Variants in PPARGC1A observed in about 807,000 individuals in gnomAD.
PPARGC1A encodes peroxisome proliferator-activated receptor gamma coactivator 1-alpha.
Under a neutral mutation model 88.7 loss-of-function variants are expected in PPARGC1A, and 25 were observed. That is an observed-to-expected ratio of 0.28 (90% CI 0.21 to 0.39). PPARGC1A has a LOEUF of 0.39. Among genes scored for constraint, PPARGC1A ranks in the 10% least tolerant of loss-of-function variants. The pLI, the probability that PPARGC1A is intolerant of heterozygous loss-of-function variation, is 1.00. For synonymous variants in PPARGC1A, 363 were observed against 355.6 expected (o/e 1.02, Z -0.24); for missense variants, 880 against 968.7 (o/e 0.91, Z 1.22).
chr4:24,148,345 C>G, the PPARGC1A span, among the ~76,000 whole-genome samples: 2 of 152,122 alleles, frequency 1.3e-5, no homozygotes, highest in Non-Finnish European at 2.9e-5. Context: ...CCTTCATGGT[C>G]CTGCTCTAAT....
At chr4:24,232,411 A>C in the PPARGC1A span, among the ~76,000 whole-genome samples, 1 of 152,214 alleles carries the variant, frequency 6.6e-6, no homozygotes, top group Admixed American at 6.5e-5. Flanking sequence ...TTAGCTCCAT[A>C]TACCTGTCCA....
At chr4:24,142,925 G>C in the PPARGC1A span, among the ~76,000 whole-genome samples, 1 of 152,084 alleles carries the variant, frequency 6.6e-6, no homozygotes, top group Non-Finnish European at 1.5e-5. Flanking sequence ...GCTGAGGCTG[G>C]ATGCTCAAAA....
chr4:23,928,428 T>A, the PPARGC1A span, among the ~76,000 whole-genome samples: 3 of 152,100 alleles, frequency 2.0e-5, no homozygotes, highest in Non-Finnish European at 4.4e-5. Context: ...GTAGTGATTG[T>A]TATTAAAAAG....
chr4:23,851,100 C>G (rs2148663587), intron 2 of PPARGC1A, among the ~76,000 whole-genome samples: 1 of 152,294 alleles, frequency 6.6e-6, no homozygotes, highest in South Asian at 2.1e-4. Context: ...TGAGGAACCA[C>G]TAATGGACTT....
chr4:24,328,446 T>G, the PPARGC1A span, among the ~76,000 whole-genome samples: 1 of 152,128 alleles, frequency 6.6e-6, no homozygotes, highest in Non-Finnish European at 1.5e-5. Context: ...CAGTTCCCAT[T>G]AACAAAAGAA....
At chr4:24,063,603 C>G in the PPARGC1A span, among the ~76,000 whole-genome samples, 2 of 152,216 alleles carry the variant, frequency 1.3e-5, no homozygotes, top group East Asian at 3.9e-4. Context: ...GCTTTGAGAT[C>G]CCGGGGTGAA....
the PPARGC1A span, among the ~76,000 whole-genome samples, chr4:24,181,608 G>A: frequency 6.6e-6 from 1 of 152,012 alleles, no homozygotes; most frequent in Non-Finnish European, 1.5e-5. Flanking sequence ...TTCCTTCAAG[G>A]TACAAAAATC....
chr4:23,918,686 A>AC, the PPARGC1A span, among the ~76,000 whole-genome samples: 2 of 152,164 alleles, frequency 1.3e-5, no homozygotes, highest in Non-Finnish European at 2.9e-5. Flanking sequence ...TTTTTACCCA[A>AC]CATGGAGGCT....
At chr4:23,968,683 G>A in the PPARGC1A span, among the ~76,000 whole-genome samples, 2 of 152,102 alleles carry the variant, frequency 1.3e-5, no homozygotes, top group East Asian at 1.9e-4. Context: ...GGGAGGCCAC[G>A]GCAGGAGGAT....
the PPARGC1A span, among the ~76,000 whole-genome samples, chr4:24,251,516 ACT>A: frequency 6.6e-6 from 1 of 152,006 alleles, no homozygotes; most frequent in Non-Finnish European, 1.5e-5. Flanking sequence ...TAATAAACAC[ACT>A]GTTATCCCAC....
the PPARGC1A span, among the ~76,000 whole-genome samples, chr4:24,436,809 C>T: frequency 2.0e-5 from 3 of 149,254 alleles, no homozygotes; most frequent in Admixed American, 6.7e-5. Context: ...GGTTGGCCAC[C>T]CCAGAGCCCG....
chr4:24,258,048 A>C, the PPARGC1A span, among the ~76,000 whole-genome samples: 1 of 152,184 alleles, frequency 6.6e-6, no homozygotes, highest in African/African-American at 2.4e-5. Context: ...AAAACATTAG[A>C]GTTCAGAAAC....
chr4:24,215,758 A>G, the PPARGC1A span, among the ~76,000 whole-genome samples: 1 of 152,164 alleles, frequency 6.6e-6, no homozygotes, highest in African/African-American at 2.4e-5. Context: ...TGTAGTGGGG[A>G]GATATCCACA....
chr4:24,150,185 C>A, the PPARGC1A span, among the ~76,000 whole-genome samples: 191 of 152,182 alleles, frequency 1.3e-3, 1 homozygote, highest in African/African-American at 4.5e-3. Context: ...ACACACCGGG[C>A]AGTGTTTTGT....
the PPARGC1A span, among the ~76,000 whole-genome samples, chr4:24,471,831 C>CCG: frequency 1.2e-4 from 19 of 152,338 alleles, no homozygotes; most frequent in African/African-American, 4.6e-4. The surrounding 1 kb of genome is among the most constrained non-coding windows in gnomAD (Gnocchi z 5.4). Context: ...TGCACCCCAC[C>CCG]CCCCCCACCT....
At chr4:24,472,663 T>TGCC in the PPARGC1A span, among the ~76,000 whole-genome samples, 129 of 151,606 alleles carry the variant, frequency 8.5e-4, no homozygotes, top group Admixed American at 2.1e-3. This position sits in a 1 kb window ranked among gnomAD's most constrained non-coding sequence, Gnocchi z 4.5. Flanking sequence ...ATGCTCGGGC[T>TGCC]GCCGCCGCCG....
the PPARGC1A span, among the ~76,000 whole-genome samples, chr4:24,075,032 T>C: frequency 6.6e-6 from 1 of 152,022 alleles, no homozygotes; most frequent in African/African-American, 2.4e-5. Flanking sequence ...AGAAGCCAAA[T>C]AGCAATACTG....
chr4:24,048,292 A>G, the PPARGC1A span, among the ~76,000 whole-genome samples: 2 of 152,058 alleles, frequency 1.3e-5, no homozygotes, highest in African/African-American at 4.8e-5. Flanking sequence ...ACACTCCACA[A>G]TTTCAGGCAT....
the PPARGC1A span, among the ~76,000 whole-genome samples, chr4:24,060,037 C>G: frequency 2.0e-5 from 3 of 152,190 alleles, no homozygotes; most frequent in African/African-American, 7.2e-5. Flanking sequence ...GAGCACTGAG[C>G]ATGAAGAATG....
Sources: allele counts gnomAD v4.1 joint callset (sites outside exome capture counted in the v4.1 genomes callset), GRCh38; gene constraint gnomAD v4.1.1; non-coding constraint Gnocchi (gnomAD v3.1); transcripts MANE v1.5; gene names NCBI Gene and HGNC (gene_info 2026-07-23, HGNC 2026-07-21).